TMEM150B: variants seen among roughly 807,000 people sequenced by gnomAD.
TMEM150B encodes the protein transmembrane protein 150B.
In TMEM150B, 33 loss-of-function variants were observed where a neutral mutation model predicts 25.2. The ratio of observed to expected loss-of-function variants is 1.31; its 90% CI spans 0.99 to 1.75. The LOEUF (loss-of-function observed/expected upper bound fraction) is 1.75. Among genes scored for constraint, TMEM150B ranks in the 40% most tolerant of loss-of-function variants. The probability of loss-of-function intolerance (pLI) is 0.00; values close to 1 mark genes in which losing one functional copy is unlikely to be tolerated. For missense variants in TMEM150B, 322 were observed against 306.1 expected (o/e 1.05, Z -0.39); for synonymous variants, 133 against 134.8 (o/e 0.99, Z 0.09).
At chr19:55,313,691 C>G (rs1422183149) in intron 7 of TMEM150B, among the ~76,000 whole-genome samples, 1 of 152,210 alleles carries the variant, frequency 6.6e-6, no homozygotes, top group Non-Finnish European at 1.5e-5. Flanking sequence ...CATCTCTCTC[C>G]AGCCCTCTCC....
chr19:55,310,239 G>A (rs1034991697), downstream of TMEM150B, among the ~76,000 whole-genome samples: 41 of 152,206 alleles, frequency 2.7e-4, no homozygotes, highest in African/African-American at 8.7e-4. This position sits in a 1 kb window ranked among gnomAD's most constrained non-coding sequence, Gnocchi z 5.0. Flanking sequence ...CAGGGTGCCT[G>A]GAGGGCTGCA....
Position 55,312,851 on chromosome 19 carries a change from G to A in TMEM150B, c.*8C>T. On this transcript the variant is annotated 3_prime_UTR_variant, in exon 8 of 8. Transcript: ENST00000326652. ...CTGGTGAGGGCAAGGCCCGGGTCAG[G>A]GTGCCTGCTACAGCTGGACCGGCAG... 3.8e-6 allele frequency: 6 copies of A among 1,575,454 alleles called. No homozygotes were observed. Among genetic ancestry groups the A allele is most frequent in the Non-Finnish European group, 4.3e-6 (5 of 1,161,952 alleles).
intron 7 of TMEM150B, among the ~76,000 whole-genome samples, chr19:55,314,206 G>A (rs187307053): frequency 4.6e-5 from 7 of 152,246 alleles, no homozygotes; most frequent in Admixed American, 4.6e-4. Flanking sequence ...ATTTTTAGTA[G>A]AGATAGAGTT....
intron 1 of TMEM150B, among the ~76,000 whole-genome samples, chr19:55,323,483 A>G (rs375777133): frequency 4.0e-5 from 6 of 151,810 alleles, no homozygotes; most frequent in East Asian, 3.9e-4. Flanking sequence ...TGCACTCCCA[A>G]TGTTATGCAA....
downstream of TMEM150B, among the ~76,000 whole-genome samples, chr19:55,311,086 C>T (rs117215305): frequency 0.025 from 3,821 of 152,154 alleles, 84 homozygotes; most frequent in Non-Finnish European, 0.038. Flanking sequence ...CTCAGCCTGT[C>T]GAGTAGCTGG....
chr19:55,311,843 A>G (rs919336509), downstream of TMEM150B: 8 of 1,541,606 alleles, frequency 5.2e-6, no homozygotes, highest in Non-Finnish European at 7.1e-6. Flanking sequence ...CTCTGCCCCC[A>G]TCCCCTGGTA....
At chr19:55,313,654 C>T (rs1568996133) in intron 7 of TMEM150B, among the ~76,000 whole-genome samples, 1 of 152,148 alleles carries the variant, frequency 6.6e-6, no homozygotes, top group Non-Finnish European at 1.5e-5. Flanking sequence ...AGCTGGTCAC[C>T]CCAAGTCTTG....
At chr19:55,310,789 C>T (rs1029856837), downstream of TMEM150B, among the ~76,000 whole-genome samples, 1 of 152,104 alleles carries the variant, frequency 6.6e-6, no homozygotes, top group African/African-American at 2.4e-5. The surrounding 1 kb of genome is among the most constrained non-coding windows in gnomAD (Gnocchi z 5.0). Flanking sequence ...CCACTGGACC[C>T]CGTTGCCGAG....
chr19:55,312,373 G>A (rs756897190), downstream of TMEM150B: 1 of 198,160 alleles, frequency 5.0e-6, no homozygotes, highest in South Asian at 1.7e-4. Context: ...TAGCAGATCC[G>A]GACAGGGCCC....
intron 3 of TMEM150B, 88 bp from the exon 4 acceptor site, chr19:55,320,705 C>G: frequency 6.6e-7 from 1 of 1,524,262 alleles, no homozygotes; most frequent in Non-Finnish European, 9.1e-7. Flanking sequence ...TAGCCCCCTC[C>G]ACCCTCAGAC....
chr19:55,316,193 G>A (rs949915099), intron 7 of TMEM150B, among the ~76,000 whole-genome samples: 6 of 152,182 alleles, frequency 3.9e-5, no homozygotes, highest in African/African-American at 1.4e-4. Flanking sequence ...GCTATTTCAA[G>A]CTACTCACAT....
downstream of TMEM150B, among the ~76,000 whole-genome samples, chr19:55,309,847 G>T (rs1048577607): frequency 2.2e-4 from 34 of 152,316 alleles, no homozygotes; most frequent in Admixed American, 6.5e-4. Flanking sequence ...GAGACACGGG[G>T]TCACAGGGGA....
At chr19:55,322,579 G>A in intron 2 of TMEM150B, 69 bp downstream of exon 2, 2 of 677,074 alleles carry the variant, frequency 3.0e-6, no homozygotes, top group Non-Finnish European at 3.6e-6. Flanking sequence ...CCTGCTTGGG[G>A]AGTTTCTCCC....
Position 55,321,086 on chromosome 19 carries a change from T to C in TMEM150B, c.-50A>G, listed in dbSNP as rs766080883. On this transcript the variant is annotated 5_prime_UTR_variant, in exon 3 of 8. Transcript: ENST00000326652. Reference sequence around the variant, plus strand: ...GGGGCTGAGGCTGGACACCTGTCTCTCTCACACCTGAAGAACCAGCCCTCA... The same window carrying C: ...GGGGCTGAGGCTGGACACCTGTCTCCCTCACACCTGAAGAACCAGCCCTCA... 1.3e-6 allele frequency: 2 copies of C among 1,582,046 alleles called. No homozygotes were observed. Among genetic ancestry groups the C allele is most frequent in the East Asian group, 4.6e-5 (2 of 43,454 alleles).
chr19:55,319,268 C>T (rs1393924665), intron 6 of TMEM150B, among the ~76,000 whole-genome samples: 2 of 151,352 alleles, frequency 1.3e-5, no homozygotes, highest in Non-Finnish European at 2.9e-5. Context: ...CCTGCCACCA[C>T]CCCTAGCTAA....
At chr19:55,310,763 G>A (rs1239701319), downstream of TMEM150B, among the ~76,000 whole-genome samples, 3 of 152,202 alleles carry the variant, frequency 2.0e-5, no homozygotes, top group African/African-American at 7.2e-5. This position sits in a 1 kb window ranked among gnomAD's most constrained non-coding sequence, Gnocchi z 5.0. Context: ...AGGGGCAACC[G>A]GAAAGCAAAT....
chr19:55,319,941 C>A, intron 6 of TMEM150B, 98 bp downstream of exon 6: 1 of 1,558,470 alleles, frequency 6.4e-7, no homozygotes, highest in Non-Finnish European at 8.7e-7. Flanking sequence ...GGGCGGGAAC[C>A]AGCCCCCGAG....
At chr19:55,317,824 A>G (rs969898841) in intron 6 of TMEM150B, among the ~76,000 whole-genome samples, 2 of 151,676 alleles carry the variant, frequency 1.3e-5, no homozygotes, top group African/African-American at 4.8e-5. Flanking sequence ...ATGGTGGCTC[A>G]GGCCTGTAAT....
chr19:55,311,659 G>A (rs1290918511), downstream of TMEM150B, among the ~76,000 whole-genome samples: 1 of 152,150 alleles, frequency 6.6e-6, no homozygotes, highest in African/African-American at 2.4e-5. Flanking sequence ...GGACTAACCT[G>A]GCCCCAGGGT....
Sources: gnomAD v4.1 joint callset for allele counts (sites outside exome capture counted in the v4.1 genomes callset) on GRCh38, gnomAD v4.1.1 for gene constraint, Gnocchi (gnomAD v3.1) non-coding constraint, MANE v1.5 for transcripts, NCBI Gene and HGNC (gene_info 2026-07-23, HGNC 2026-07-21) for gene names.